The following DLG2 variants were observed in gnomAD, a reference collection of about 807,000 sequenced individuals.
DLG2 encodes disks large homolog 2.
DLG2 carries 45 observed loss-of-function variants against 132.5 expected under a neutral mutation model. The ratio of observed to expected loss-of-function variants is 0.34; its 90% CI spans 0.27 to 0.44. The LOEUF (loss-of-function observed/expected upper bound fraction) is 0.44. Among genes scored for constraint, DLG2 ranks in the 20% least tolerant of loss-of-function variants. DLG2 has a pLI of 1.00. For synonymous variants in DLG2, 424 were observed against 419.6 expected (o/e 1.01, Z -0.13); for missense variants, 1,045 against 1,196.9 (o/e 0.87, Z 1.87).
chr11:85,153,814 C>T (rs1040463073), intron 5 of DLG2, among the ~76,000 whole-genome samples: 4 of 152,066 alleles, frequency 2.6e-5, no homozygotes, highest in Non-Finnish European at 4.4e-5. Flanking sequence ...CAGTACTAAG[C>T]ATGTTCATAT....
At chr11:83,962,547 T>C (rs1323354800) in intron 14 of DLG2, among the ~76,000 whole-genome samples, 3 of 152,124 alleles carry the variant, frequency 2.0e-5, no homozygotes, top group Non-Finnish European at 2.9e-5. Flanking sequence ...TGCTACTTCC[T>C]TCCTTTTGAA....
At chr11:84,077,003 T>C (rs567253527) in intron 10 of DLG2, among the ~76,000 whole-genome samples, 2 of 152,316 alleles carry the variant, frequency 1.3e-5, no homozygotes, top group South Asian at 4.1e-4. Flanking sequence ...TCAATTCATG[T>C]CTTTTTAAAG....
intron 7 of DLG2, among the ~76,000 whole-genome samples, chr11:84,394,146 G>T (rs1403145422): frequency 6.6e-6 from 1 of 151,970 alleles, no homozygotes; most frequent in Admixed American, 6.6e-5. Context: ...CAAAGTGCTG[G>T]GATTATAGGC....
At chr11:85,357,238 TTGTGTGTGTGTGTGTGTGTGTGTG>T (rs71036472) in intron 3 of DLG2, among the ~76,000 whole-genome samples, 12 of 118,200 alleles carry the variant, frequency 1.0e-4, no homozygotes, top group South Asian at 3.2e-4. Context: ...AATATCCTCT[TTGTGTGTGTGTGTGTGTGTGTGTG>T]TGTGTGTGTG....
At chr11:85,546,993 G>A (rs777219318) in intron 3 of DLG2, among the ~76,000 whole-genome samples, 1 of 151,984 alleles carries the variant, frequency 6.6e-6, no homozygotes, top group Non-Finnish European at 1.5e-5. Context: ...GGGGCATTTA[G>A]TCCATTTACA....
intron 17 of DLG2, among the ~76,000 whole-genome samples, chr11:83,819,612 T>C (rs947696858): frequency 1.3e-5 from 2 of 151,808 alleles, no homozygotes; most frequent in African/African-American, 2.4e-5. Flanking sequence ...TAGCTTAGTA[T>C]AGTTTATGTT....
intron 6 of DLG2, among the ~76,000 whole-genome samples, chr11:84,609,108 C>G (rs193291064): frequency 1.4e-4 from 21 of 152,214 alleles, no homozygotes; most frequent in Admixed American, 5.9e-4. Flanking sequence ...TGGTTTCTGG[C>G]ACAAAGTGTC....
chr11:84,293,149 TG>T (rs2098031359), intron 7 of DLG2, among the ~76,000 whole-genome samples: 1 of 151,710 alleles, frequency 6.6e-6, no homozygotes, highest in East Asian at 1.9e-4. Context: ...GTGTCGGGTG[TG>T]GGGGTGTGGG....
At chr11:84,938,259 T>A (rs1193202757) in intron 6 of DLG2, among the ~76,000 whole-genome samples, 2 of 152,176 alleles carry the variant, frequency 1.3e-5, no homozygotes, top group Admixed American at 6.6e-5. Context: ...CACAGGGTTC[T>A]TAGATACCCA....
At chr11:84,157,137 C>A (rs1445778961) in intron 9 of DLG2, among the ~76,000 whole-genome samples, 1 of 151,964 alleles carries the variant, frequency 6.6e-6, no homozygotes, top group Non-Finnish European at 1.5e-5. Flanking sequence ...ATATAGTCAA[C>A]TGTATTAAAA....
intron 14 of DLG2, among the ~76,000 whole-genome samples, chr11:83,941,125 A>G (rs2082560757): frequency 1.3e-5 from 2 of 152,324 alleles, no homozygotes; most frequent in African/African-American, 4.8e-5. Context: ...GAAACATAAC[A>G]AATAATTTTT....
chr11:83,562,308 T>A (rs774208604), intron 19 of DLG2, among the ~76,000 whole-genome samples: 7 of 152,158 alleles, frequency 4.6e-5, no homozygotes, highest in Non-Finnish European at 8.8e-5. Context: ...AGCTTTACAT[T>A]AATTGAACAT....
chr11:85,564,870 T>C (rs1357913364), intron 3 of DLG2, among the ~76,000 whole-genome samples: 2 of 152,024 alleles, frequency 1.3e-5, no homozygotes, highest in Admixed American at 1.3e-4. Flanking sequence ...TCCCAAGCAA[T>C]GAACAAAAAA....
chr11:85,196,884 T>G (rs985015794), intron 4 of DLG2, among the ~76,000 whole-genome samples: 22 of 152,200 alleles, frequency 1.4e-4, no homozygotes, highest in Admixed American at 3.9e-4. Flanking sequence ...GAATGGAATA[T>G]TTAAGAGAAT....
chr11:84,931,964 GTTTGC>G (rs1186102759), intron 6 of DLG2, among the ~76,000 whole-genome samples: 4 of 152,050 alleles, frequency 2.6e-5, no homozygotes, highest in African/African-American at 9.7e-5. Flanking sequence ...TAATGGGGCT[GTTTGC>G]TTTTTTTCTT....
intron 3 of DLG2, among the ~76,000 whole-genome samples, chr11:85,330,911 T>G (rs2081684913): frequency 1.3e-5 from 2 of 151,988 alleles, no homozygotes; most frequent in African/African-American, 4.8e-5. Context: ...TTTCCCACAA[T>G]GTGGAAAGTG....
At chr11:84,231,200 A>G (rs1025746088) in intron 8 of DLG2, among the ~76,000 whole-genome samples, 3 of 152,184 alleles carry the variant, frequency 2.0e-5, no homozygotes, top group African/African-American at 4.8e-5. Flanking sequence ...TTGGCGCTAC[A>G]GCAGCTATTT....
At chr11:84,753,311 A>C (rs1315905460) in intron 6 of DLG2, among the ~76,000 whole-genome samples, 1 of 152,176 alleles carries the variant, frequency 6.6e-6, no homozygotes, top group East Asian at 1.9e-4. Flanking sequence ...AGGAGTGGAA[A>C]CAGGGAGATA....
intron 21 of DLG2, among the ~76,000 whole-genome samples, chr11:83,530,162 C>G (rs942316685): frequency 2.0e-5 from 3 of 151,818 alleles, no homozygotes; most frequent in Admixed American, 6.6e-5. Context: ...AAATTCTCAC[C>G]AGGAATCATG....
Sources: allele counts gnomAD v4.1 joint callset (sites outside exome capture counted in the v4.1 genomes callset), GRCh38; gene constraint gnomAD v4.1.1; transcripts MANE v1.5; gene names NCBI Gene and HGNC (gene_info 2026-07-23, HGNC 2026-07-21).